The following MAP3K21 variants were observed in gnomAD, a reference collection of about 807,000 sequenced individuals.
The protein encoded by MAP3K21 is mitogen-activated protein kinase kinase kinase MLK4.
Under a neutral mutation model 86.1 loss-of-function variants are expected in MAP3K21, and 63 were observed. The ratio of observed to expected loss-of-function variants is 0.73; its 90% CI spans 0.60 to 0.90. The LOEUF (loss-of-function observed/expected upper bound fraction) is 0.90. MAP3K21 is among the 40% of genes least tolerant of loss of function. The pLI, the probability that MAP3K21 is intolerant of heterozygous loss-of-function variation, is 0.00. For missense variants in MAP3K21, 1,220 were observed against 1,367.7 expected, an observed-to-expected ratio of 0.89 and a Z score of 1.70; for synonymous variants, 558 against 564.8, an observed-to-expected ratio of 0.99 and a Z score of 0.17.
intron 1 of MAP3K21, among the ~76,000 whole-genome samples, chr1:233,339,632 A>T (rs1572240402): frequency 6.6e-6 from 1 of 151,676 alleles, no homozygotes. Context: ...ATAGGCGAGT[A>T]CCATGATGCC....
At position 233,382,709 on chromosome 1, in the gene MAP3K21, T is replaced by C; in HGVS notation, c.3109T>C (p.Ter1037GlnextTer8). ...IYELEKEFLS[*>Q] is the part of the protein sequence containing the mutation. ...TGAACTGGAGAAAGAATTCCTGTCTTAAACTAAGTGCCTTACTGTTGTTTA... is the reference window on the plus strand; with the variant it reads ...TGAACTGGAGAAAGAATTCCTGTCTCAAACTAAGTGCCTTACTGTTGTTTA... Residue 1037 changes from the stop codon to glutamine (Q), a stop_lost, in exon 10 of 10, where the codon TAA (stop) becomes CAA (glutamine). Coordinates refer to ENST00000366624, the MANE Select transcript of MAP3K21 (RefSeq NM_032435.3). 6.2e-7 allele frequency: 1 copy of C among 1,611,032 alleles called. No individual in the cohort carries two copies.
In MAP3K21 at chr1:233,382,413, C is replaced by G. The variant is rs1409269663; in HGVS notation, c.2813C>G (p.Thr938Ser). 1.9e-6 allele frequency: 3 copies of G among 1,614,078 alleles called. No homozygotes were observed. Among genetic ancestry groups the G allele is most frequent in the Admixed American group, 3.3e-5 (2 of 60,010 alleles). Residue 938 changes from threonine (T) to serine (S), a missense_variant, in exon 10 of 10, where the codon ACT (threonine) becomes AGT (serine). Physicochemically the swap from Thr to Ser is moderately conservative, Grantham distance 58. Transcript: ENST00000366624. ...PREVSPKKHS[T>S]VHIVPQRRPA... Reference sequence around the variant, plus strand: ...GAGGTCTCACCCAAGAAGCACAGCACTGTCCACATCGTGCCTCAGCGTCGC... The same window carrying G: ...GAGGTCTCACCCAAGAAGCACAGCAGTGTCCACATCGTGCCTCAGCGTCGC...
At chr1:233,366,352 G>A (rs72755618) in intron 5 of MAP3K21, among the ~76,000 whole-genome samples, 23,571 of 152,048 alleles carry the variant, frequency 0.16, 1,955 homozygotes, top group East Asian at 0.21. Context: ...GATATTGAAT[G>A]TTCACAACAC....
At chr1:233,342,803 C>G (rs1161658561) in intron 1 of MAP3K21, among the ~76,000 whole-genome samples, 1 of 151,878 alleles carries the variant, frequency 6.6e-6, no homozygotes, top group African/African-American at 2.4e-5. Context: ...CTCTCTCACC[C>G]TCCTTTTCTC....
chr1:233,344,364 T>C (rs892908505), intron 1 of MAP3K21, among the ~76,000 whole-genome samples: 3 of 152,200 alleles, frequency 2.0e-5, no homozygotes, highest in Admixed American at 6.5e-5. Flanking sequence ...AACAGCATGG[T>C]ACTGGTACCA....
intron 5 of MAP3K21, among the ~76,000 whole-genome samples, chr1:233,370,993 T>C (rs1165598718): frequency 6.6e-6 from 1 of 152,220 alleles, no homozygotes; most frequent in Non-Finnish European, 1.5e-5. Flanking sequence ...TAATGTCTTT[T>C]ACCTCCTTCC....
Position 233,384,441 on chromosome 1 carries a change from G to C in MAP3K21, c.*1730G>C, listed in dbSNP as rs189069211. The C allele has an allele frequency of 1.3e-5, 2 of 152,244 alleles. No individual in the cohort carries two copies. Among genetic ancestry groups the C allele is most frequent in the East Asian group, 3.9e-4 (2 of 5,186 alleles). 9.4% of individuals were successfully genotyped at this position (152,244 alleles called of 1,614,324 possible). ...TGTTTTATCATCTGTTCTATGATTCGGCTTCACTTTGTGTGGTTATTGAAT... is the reference window on the plus strand; with the variant it reads ...TGTTTTATCATCTGTTCTATGATTCCGCTTCACTTTGTGTGGTTATTGAAT... On this transcript the variant is annotated 3_prime_UTR_variant, in exon 10 of 10. Transcript: ENST00000366624.
chr1:233,339,675 G>A (rs1388091655), intron 1 of MAP3K21, among the ~76,000 whole-genome samples: 1 of 151,832 alleles, frequency 6.6e-6, no homozygotes, highest in Non-Finnish European at 1.5e-5. Context: ...GTAGGGGTTG[G>A]TTCTCACTGT....
chr1:233,334,963 C>CTTTT lies in MAP3K21; in HGVS notation c.805+6139_805+6142dup, dbSNP rs10640127. Among the ~76,000 whole-genome samples, 2,162 of 146,640 alleles carry CTTTT rather than the reference C, an allele frequency of 0.015. 84 individuals are homozygous for CTTTT. In the East Asian group the frequency reaches 0.16, roughly 11 times the overall value. On this transcript the variant is annotated intron_variant, in intron 1 of 9. Transcript: ENST00000366624. ...CATTTTCTCTCTGATTTCTTTCTTTCTTTTTTTTTTTTATTATACTTTAAG... is the reference window on the plus strand; with the variant it reads ...CATTTTCTCTCTGATTTCTTTCTTTCTTTTTTTTTTTTTTTTATTATACTTTAAG...
At chr1:233,334,164 C>T (rs918911396) in intron 1 of MAP3K21, among the ~76,000 whole-genome samples, 8 of 136,888 alleles carry the variant, frequency 5.8e-5, no homozygotes, top group African/African-American at 2.2e-4. Context: ...CGTGCCTGGA[C>T]TTTTTTTTTT....
At chr1:233,364,786 G>A (rs1663541439) in intron 5 of MAP3K21, among the ~76,000 whole-genome samples, 1 of 152,074 alleles carries the variant, frequency 6.6e-6, no homozygotes, top group Non-Finnish European at 1.5e-5. Context: ...AAAGATTCCA[G>A]TTAAAACATA....
At chr1:233,375,281 A>G (rs1663771570) in intron 6 of MAP3K21, among the ~76,000 whole-genome samples, 1 of 152,164 alleles carries the variant, frequency 6.6e-6, no homozygotes, top group African/African-American at 2.4e-5. Context: ...GAGGGACAGC[A>G]TCTAAGTGTT....
In MAP3K21 at chr1:233,382,332, G is replaced by GACC. The variant is rs1337809141; in HGVS notation, c.2733_2734insCCA (p.Gly911_Ala912insPro). ...GGTGCAACTATTATCTCAGCCACTG[G>GACC]AGCCTCTGCACTGCCACTCTGCCCC... On this transcript the variant is annotated inframe_insertion, in exon 10 of 10. Transcript: ENST00000366624. 3.7e-6 allele frequency: 6 copies of GACC among 1,613,558 alleles called. No individual in the cohort carries two copies. The East Asian group carries it at 8.9e-5, about 24-fold the overall frequency.
intron 1 of MAP3K21, among the ~76,000 whole-genome samples, chr1:233,332,775 T>TA (rs1368279733): frequency 6.6e-6 from 1 of 152,328 alleles, no homozygotes; most frequent in East Asian, 1.9e-4. Context: ...AAGATTGAAG[T>TA]AAGATTATGT....
chr1:233,342,628 T>A (rs1663056334), intron 1 of MAP3K21, among the ~76,000 whole-genome samples: 1 of 152,178 alleles, frequency 6.6e-6, no homozygotes, highest in Non-Finnish European at 1.5e-5. Flanking sequence ...ATGTCATATG[T>A]GAGTAGCAAA....
At chr1:233,379,947 G>T (rs1343660002) in intron 9 of MAP3K21, among the ~76,000 whole-genome samples, 1 of 152,190 alleles carries the variant, frequency 6.6e-6, no homozygotes, top group Non-Finnish European at 1.5e-5. Flanking sequence ...TATCAAAGCA[G>T]AAAGAACACA....
intron 5 of MAP3K21, among the ~76,000 whole-genome samples, chr1:233,368,716 G>A (rs368369024): frequency 4.0e-5 from 6 of 151,200 alleles, no homozygotes; most frequent in African/African-American, 1.5e-4. Context: ...TTTCCTTTCC[G>A]TTTGGTTTGT....
chr1:233,376,170 A>C, intron 7 of MAP3K21, 104 bp downstream of exon 7: 1 of 745,490 alleles, frequency 1.3e-6, no homozygotes, highest in Non-Finnish European at 2.1e-6. Flanking sequence ...AAATTAATAG[A>C]GAGATTTATA....
At position 233,328,385 on chromosome 1, in the gene MAP3K21, C is replaced by A; in HGVS notation, c.357C>A (p.Val119=). Reference sequence around the variant, plus strand: ...CGCGGCCCAGCTCCCCGGTACACGTCGCCTTCGAGCGGCTGGAGCTGAAGG... The same window carrying A: ...CGCGGCCCAGCTCCCCGGTACACGTAGCCTTCGAGCGGCTGGAGCTGAAGG... ...PPSRPSSPVH[V]AFERLELKEL... The change falls in exon 1 of 10, where the codon GTC becomes GTA. Residue 119 remains valine, a synonymous_variant. Coordinates refer to ENST00000366624, the MANE Select transcript of MAP3K21 (RefSeq NM_032435.3). This position sits in a 1 kb window ranked among gnomAD's most constrained non-coding sequence, Gnocchi z 8.7. 6.7e-7 allele frequency: 1 copy of A among 1,485,848 alleles called. No individual in the cohort carries two copies. The highest frequency in any genetic ancestry group is 8.9e-7 in the Non-Finnish European group (1 of 1,125,662). The allele number at this position is 1,485,848 out of a possible 1,614,324, so 92.0% of individuals were successfully genotyped here.
Sources: allele counts gnomAD v4.1 joint callset (sites outside exome capture counted in the v4.1 genomes callset), GRCh38; gene constraint gnomAD v4.1.1; non-coding constraint Gnocchi (gnomAD v3.1); transcripts MANE v1.5; gene names NCBI Gene and HGNC (gene_info 2026-07-23, HGNC 2026-07-21).